The following BLTP3A variants were observed in gnomAD, a reference collection of about 807,000 sequenced individuals.
The protein encoded by BLTP3A is bridge-like lipid transfer protein family member 3A.
At chr6:34,875,102 G>A in the BLTP3A span, 1 of 152,614 alleles carries the variant, frequency 6.6e-6, no homozygotes, top group African/African-American at 2.4e-5. Context: ...AATGTAAGGA[G>A]CTCATTGTCT....
the BLTP3A span, chr6:34,834,117 C>A: frequency 7.9e-7 from 1 of 1,266,720 alleles, no homozygotes; most frequent in Non-Finnish European, 1.1e-6. Context: ...AATAAAAAGA[C>A]TACTGTATTA....
chr6:34,871,061 TCCCGGTGGTAGTC>T, the BLTP3A span: 1 of 1,614,138 alleles, frequency 6.2e-7, no homozygotes, highest in Non-Finnish European at 8.5e-7. Flanking sequence ...GATGAGGAGA[TCCCGGTGGTAGTC>T]CCCATGCAGA....
the BLTP3A span, chr6:34,855,528 G>A: frequency 6.8e-7 from 1 of 1,476,696 alleles, no homozygotes; most frequent in Non-Finnish European, 9.4e-7. Context: ...CTTTGAAGCT[G>A]GTCGTTAAGA....
the BLTP3A span, among the ~76,000 whole-genome samples, chr6:34,837,215 T>G: frequency 6.6e-6 from 1 of 152,198 alleles, no homozygotes; most frequent in African/African-American, 2.4e-5. Flanking sequence ...CTGGCTTATC[T>G]TCTCTAAAGG....
At chr6:34,800,022 T>G in the BLTP3A span, among the ~76,000 whole-genome samples, 1 of 152,188 alleles carries the variant, frequency 6.6e-6, no homozygotes, top group African/African-American at 2.4e-5. Flanking sequence ...GAGGTTGAGA[T>G]TAATGCTTTT....
chr6:34,871,109 C>A, the BLTP3A span: 1 of 1,611,620 alleles, frequency 6.2e-7, no homozygotes, highest in Non-Finnish European at 8.5e-7. Flanking sequence ...TCCAGCATCA[C>A]CCTAAAGGTG....
At chr6:34,827,126 CAT>C in the BLTP3A span, among the ~76,000 whole-genome samples, 2 of 152,102 alleles carry the variant, frequency 1.3e-5, no homozygotes, top group Non-Finnish European at 2.9e-5. Flanking sequence ...GCCTGGCCAA[CAT>C]AGCGAAACCC....
chr6:34,860,232 T>C, the BLTP3A span, among the ~76,000 whole-genome samples: 1 of 152,172 alleles, frequency 6.6e-6, no homozygotes, highest in Non-Finnish European at 1.5e-5. Flanking sequence ...TTGTGAGCGC[T>C]TTCTGTGTGC....
the BLTP3A span, chr6:34,864,214 G>A: frequency 6.2e-7 from 1 of 1,607,748 alleles, no homozygotes; most frequent in Non-Finnish European, 8.5e-7. Context: ...TGGGAGCAGA[G>A]CCAGGCAAAG....
At chr6:34,859,111 G>A in the BLTP3A span, 2 of 1,614,206 alleles carry the variant, frequency 1.2e-6, no homozygotes, top group Non-Finnish European at 8.5e-7. Context: ...ACTGAAGTCT[G>A]ATGCCTCATC....
the BLTP3A span, among the ~76,000 whole-genome samples, chr6:34,820,893 C>A: frequency 1.4e-5 from 2 of 148,122 alleles, no homozygotes; most frequent in Non-Finnish European, 1.5e-5. Context: ...CTCCAGCGAT[C>A]CTCCTGCCTA....
the BLTP3A span, among the ~76,000 whole-genome samples, chr6:34,830,137 T>C: frequency 3.3e-5 from 5 of 151,980 alleles, no homozygotes; most frequent in Non-Finnish European, 7.4e-5. Flanking sequence ...TTTGTATTTT[T>C]AGCGAGACAG....
At chr6:34,825,852 T>C in the BLTP3A span, among the ~76,000 whole-genome samples, 1 of 152,152 alleles carries the variant, frequency 6.6e-6, no homozygotes, top group African/African-American at 2.4e-5. Flanking sequence ...TTTTTGACTA[T>C]TATGAATAAT....
At chr6:34,865,354 G>T in the BLTP3A span, among the ~76,000 whole-genome samples, 9 of 152,128 alleles carry the variant, frequency 5.9e-5, no homozygotes, top group African/African-American at 2.2e-4. Flanking sequence ...ATTCATCTAC[G>T]TTATCACAAA....
chr6:34,843,762 T>A, the BLTP3A span, among the ~76,000 whole-genome samples: 2 of 152,218 alleles, frequency 1.3e-5, no homozygotes, highest in Admixed American at 1.3e-4. Context: ...AAATATCCAG[T>A]AGTGGGATTG....
chr6:34,806,271 C>A, the BLTP3A span, among the ~76,000 whole-genome samples: 1 of 152,176 alleles, frequency 6.6e-6, no homozygotes, highest in Admixed American at 6.5e-5. Context: ...ATCTCATAGT[C>A]CTTAGGGTTA....
At chr6:34,856,234 C>T in the BLTP3A span, 1 of 1,609,746 alleles carries the variant, frequency 6.2e-7, no homozygotes, top group East Asian at 2.2e-5. Flanking sequence ...TTCTTCGTTG[C>T]ACAGGTGATA....
At chr6:34,859,066 G>A in the BLTP3A span, 17 of 1,614,074 alleles carry the variant, frequency 1.1e-5, no homozygotes, top group African/African-American at 4.0e-5. Flanking sequence ...CACTAGCCTC[G>A]TAGATTCAGA....
the BLTP3A span, among the ~76,000 whole-genome samples, chr6:34,866,274 T>C: frequency 1.3e-5 from 2 of 151,912 alleles, no homozygotes; most frequent in Non-Finnish European, 2.9e-5. Context: ...GATGGTGGCG[T>C]GCGCCTGTAA....
Sources: allele counts gnomAD v4.1 joint callset (sites outside exome capture counted in the v4.1 genomes callset), GRCh38; gene constraint gnomAD v4.1.1; transcripts MANE v1.5; gene names NCBI Gene and HGNC (gene_info 2026-07-23, HGNC 2026-07-21).